LIMS2: variants seen among roughly 807,000 people sequenced by gnomAD.
LIMS2 encodes LIM zinc finger domain containing 2, also known as LIM and senescent cell antigen-like-containing domain protein 2.
LIMS2 carries 30 observed loss-of-function variants against 45.3 expected under a neutral mutation model. The ratio of observed to expected loss-of-function variants is 0.66; its 90% CI spans 0.50 to 0.90. The LOEUF (loss-of-function observed/expected upper bound fraction) is 0.90, where lower values mean the gene tolerates loss of function less well. Ranked by LOEUF, LIMS2 falls within the 40% of genes least tolerant of loss-of-function variation. The pLI, the probability that LIMS2 is intolerant of heterozygous loss-of-function variation, is 0.00. For synonymous variants in LIMS2, 173 were observed against 188.0 expected, an observed-to-expected ratio of 0.92 and a Z score of 0.65; for missense variants, 485 against 468.7, an observed-to-expected ratio of 1.03 and a Z score of -0.32.
chr2:127,657,701 C>G, intron 1 of LIMS2, 139 bp from the exon 2 acceptor site: 3 of 956,060 alleles, frequency 3.1e-6, no homozygotes, highest in Non-Finnish European at 1.5e-6. Context: ...TCGCTCTAAC[C>G]CAGGGTCCAG....
chr2:127,654,471 C>T lies in LIMS2; in HGVS notation c.312G>A (p.Leu104=). The T allele has an allele frequency of 1.2e-6, 2 of 1,614,176 alleles. No individual in the cohort carries two copies. Among genetic ancestry groups the T allele is most frequent in the African/African-American group, 1.3e-5 (1 of 75,064 alleles). ...NWHPGCFRCE[L]CDVELADLGF... is the part of the protein sequence containing the mutation. Reference sequence around the variant, plus strand: ...CCAGGTCAGCCAGCTCCACATCACACAGCTCGCAGCGGAAGCAGCCCGGGT... The same window carrying T: ...CCAGGTCAGCCAGCTCCACATCACATAGCTCGCAGCGGAAGCAGCCCGGGT... Residue 104 remains leucine, a synonymous_variant, in exon 4 of 10, where the codon CTG becomes CTA. Coordinates refer to ENST00000355119, the MANE Select transcript of LIMS2 (RefSeq NM_001161403.3).
intron 4 of LIMS2, chr2:127,643,614 CAG>C (rs986366563): frequency 6.6e-6 from 3 of 456,436 alleles, no homozygotes; most frequent in African/African-American, 4.0e-5. Context: ...ACTGTCACTA[CAG>C]AGTCTTTTTG....
intron 4 of LIMS2, among the ~76,000 whole-genome samples, chr2:127,649,091 G>GAAAAA (rs752842992): frequency 3.7e-5 from 5 of 133,640 alleles, no homozygotes; most frequent in Middle Eastern, 4.1e-3. Flanking sequence ...AAGAAAAAAA[G>GAAAAA]AAAAAAGAAA....
chr2:127,664,537 C>G lies in LIMS2; in HGVS notation c.12-6975G>C, dbSNP rs1021817629. 1 of 1,151,884 alleles carries G rather than the reference C, an allele frequency of 8.7e-7. No homozygotes were observed. 71.4% of individuals were successfully genotyped at this position (1,151,884 alleles called of 1,614,324 possible). ...GCCTCCCCCGCGCTGGTCGCGAGCT[C>G]ACGTTACGCGCTGGGATCTCCAAAG... On this transcript the variant is annotated intron_variant, in intron 1 of 9. Transcript: ENST00000355119. This position sits in a 1 kb window ranked among gnomAD's most constrained non-coding sequence, Gnocchi z 5.5.
intron 1 of LIMS2, among the ~76,000 whole-genome samples, chr2:127,662,151 C>A (rs1465847784): frequency 6.6e-6 from 1 of 152,176 alleles, no homozygotes; most frequent in African/African-American, 2.4e-5. Context: ...GGCCCCGACG[C>A]CCCCTGTCTG....
intron 6 of LIMS2, chr2:127,641,597 TC>T (rs908828252): frequency 2.2e-4 from 36 of 160,490 alleles, no homozygotes; most frequent in Non-Finnish European, 3.7e-4. Context: ...GGCTCACTGT[TC>T]CCAGTGTACC....
upstream of LIMS2, among the ~76,000 whole-genome samples, chr2:127,677,043 C>T (rs1685519035): frequency 2.0e-5 from 3 of 152,330 alleles, no homozygotes; most frequent in Admixed American, 2.0e-4. The surrounding 1 kb of genome is among the most constrained non-coding windows in gnomAD (Gnocchi z 5.0). Flanking sequence ...CCCAGTGTGC[C>T]TCATCCCTGG....
rs1312559544 is a variant in LIMS2 at position 127,640,913 on chromosome 2, C to T, written c.736G>A (p.Glu246Lys). The part of the protein sequence containing the change: ...HYEKKGLAYC[E>K]THYNQLFGDV... Reference sequence around the variant, plus strand: ...GGGCTCACCTGGTTGTAGTGAGTCTCGCAGTAGGCCAGGCCCTTCTTCTCA... The same window carrying T: ...GGGCTCACCTGGTTGTAGTGAGTCTTGCAGTAGGCCAGGCCCTTCTTCTCA... Residue 246 changes from glutamate to lysine, a missense_variant, in exon 7 of 10, where the codon GAG (glutamate) becomes AAG (lysine). By Grantham distance (56) the Glu-to-Lys change is moderately conservative. Transcript: ENST00000355119. 8 of 1,613,766 alleles carry T rather than the reference C, an allele frequency of 5.0e-6. No individual in the cohort carries two copies. The highest frequency in any genetic ancestry group is 1.7e-5 in the Admixed American group (1 of 60,016).
chr2:127,662,329 A>G (rs1558896527), intron 1 of LIMS2, among the ~76,000 whole-genome samples: 1 of 152,036 alleles, frequency 6.6e-6, no homozygotes, highest in Non-Finnish European at 1.5e-5. Flanking sequence ...ACCTGCACTG[A>G]TAGGCACTAT....
Position 127,647,284 on chromosome 2 carries a change from A to C in LIMS2, c.360-4212T>G, listed in dbSNP as rs1683094308. Among the ~76,000 whole-genome samples, 1 of 152,100 alleles carries C rather than the reference A, an allele frequency of 6.6e-6. No homozygotes were observed. The highest frequency in any genetic ancestry group is 2.4e-5 in the African/African-American group (1 of 41,422). On this transcript the variant is annotated intron_variant, in intron 4 of 9. Coordinates refer to ENST00000355119, the MANE Select transcript of LIMS2 (RefSeq NM_001161403.3). This position sits in a 1 kb window ranked among gnomAD's most constrained non-coding sequence, Gnocchi z 4.3. ...GAGCCTGGGAGACAACTCCATGGCAAACTCTGAGACTGAGTCACACTCCCC... is the reference window on the plus strand; with the variant it reads ...GAGCCTGGGAGACAACTCCATGGCACACTCTGAGACTGAGTCACACTCCCC...
At chr2:127,639,833 G>C (rs1210413247) in intron 9 of LIMS2, among the ~76,000 whole-genome samples, 1 of 152,174 alleles carries the variant, frequency 6.6e-6, no homozygotes, top group African/African-American at 2.4e-5. Context: ...TGGCAGGTGT[G>C]TTGGAGGCAT....
At chr2:127,661,989 G>A (rs1030361474) in intron 1 of LIMS2, among the ~76,000 whole-genome samples, 8 of 152,198 alleles carry the variant, frequency 5.3e-5, no homozygotes, top group Admixed American at 5.2e-4. Flanking sequence ...AGTCAAGGAA[G>A]TGTGTGTAAG....
chr2:127,657,664 T>C, intron 1 of LIMS2, 102 bp from the exon 2 acceptor site: 1 of 1,258,306 alleles, frequency 7.9e-7, no homozygotes, highest in African/African-American at 1.5e-5. Context: ...TATTAAAAAG[T>C]GAAGACGCTC....
chr2:127,665,640 C>T (rs1684961678), intron 1 of LIMS2, among the ~76,000 whole-genome samples: 1 of 152,362 alleles, frequency 6.6e-6, no homozygotes, highest in African/African-American at 2.4e-5. Flanking sequence ...GGGAATACCG[C>T]TGACTCTCTG....
At chr2:127,681,125 G>A (rs1312925069) in intron 1 of LIMS2, among the ~76,000 whole-genome samples, 1 of 152,300 alleles carries the variant, frequency 6.6e-6, no homozygotes, top group African/African-American at 2.4e-5. Context: ...AAGGCCCCGC[G>A]TGCGGCCACA....
Position 127,647,110 on chromosome 2 carries a change from C to T in LIMS2, c.360-4038G>A, listed in dbSNP as rs1311523052. Among the ~76,000 whole-genome samples the T allele has an allele frequency of 6.6e-6, 1 of 152,242 alleles. No individual in the cohort carries two copies. Among genetic ancestry groups the T allele is most frequent in the Admixed American group, 6.5e-5 (1 of 15,292 alleles). On this transcript the variant is annotated intron_variant, in intron 4 of 9. Coordinates refer to ENST00000355119, the MANE Select transcript of LIMS2 (RefSeq NM_001161403.3). The surrounding 1 kb of genome is among the most constrained non-coding windows in gnomAD (Gnocchi z 4.3). Reference sequence around the variant, plus strand: ...CCACCTGGTGCCATGAGATATGCCACCCCTGCCGTCACTCAGGGCCCTGAG... The same window carrying T: ...CCACCTGGTGCCATGAGATATGCCATCCCTGCCGTCACTCAGGGCCCTGAG...
At chr2:127,644,159 G>A (rs1682710236) in intron 4 of LIMS2, 2 of 454,408 alleles carry the variant, frequency 4.4e-6, no homozygotes, top group Admixed American at 4.7e-5. Flanking sequence ...TGCAGGGCAA[G>A]GGGCCCAAAC....
At chr2:127,644,846 C>T (rs1682794104) in intron 4 of LIMS2, among the ~76,000 whole-genome samples, 1 of 152,200 alleles carries the variant, frequency 6.6e-6, no homozygotes. Context: ...CCTGCGGGCA[C>T]AACAGGAAAG....
At chr2:127,657,595 G>A (rs888334237) in intron 1 of LIMS2, 33 bp from the exon 2 acceptor site, 2 of 1,570,106 alleles carry the variant, frequency 1.3e-6, no homozygotes, top group Middle Eastern at 1.9e-4. Context: ...GTGAGTCAGA[G>A]CTGGTCAGGG....
Sources: gnomAD v4.1 joint callset for allele counts (sites outside exome capture counted in the v4.1 genomes callset) on GRCh38, gnomAD v4.1.1 for gene constraint, Gnocchi (gnomAD v3.1) non-coding constraint, MANE v1.5 for transcripts, NCBI Gene and HGNC (gene_info 2026-07-23, HGNC 2026-07-21) for gene names.